Variants in COL4A5 observed in about 807,000 individuals in gnomAD.
COL4A5 encodes collagen type IV alpha 5 chain.
In COL4A5, 26 loss-of-function variants were observed where a neutral mutation model predicts 130.2. The ratio of observed to expected loss-of-function variants is 0.20; its 90% CI spans 0.15 to 0.28. The LOEUF is 0.28. Among genes scored for constraint, COL4A5 ranks in the 10% least tolerant of loss-of-function variants. The pLI is 1.00. For synonymous variants in COL4A5, 496 were observed against 439.6 expected (o/e 1.13, Z -1.60); for missense variants, 1,131 against 1,344.3 (o/e 0.84, Z 2.48).
chrX:108,525,642 T>C lies in COL4A5; in HGVS notation c.82-14104T>C, dbSNP rs1047301122. ...TTTAATATTGCAGTTTCTTTAATGA[T>C]TTTATTTAATGTATTTTTATTTGTT... On this transcript the variant is annotated intron_variant, in intron 1 of 52. Coordinates refer to ENST00000328300, the MANE Select transcript of COL4A5 (RefSeq NM_033380.3). Among the ~76,000 whole-genome samples, 3 of 111,859 alleles carry C rather than the reference T, an allele frequency of 2.7e-5. 1 individual carries two copies. In the Admixed American group the frequency reaches 2.9e-4, roughly 11 times the overall value.
At chrX:108,687,187 A>C (rs757468586) in intron 48 of COL4A5, among the ~76,000 whole-genome samples, 3 of 112,502 alleles carry the variant, frequency 2.7e-5, no homozygotes, top group African/African-American at 9.7e-5. Flanking sequence ...TGAAGCTGGC[A>C]GATTGATGGC....
chrX:108,627,046 T>C (rs1488471598), intron 36 of COL4A5: 2 of 688,159 alleles, frequency 2.9e-6, no homozygotes, highest in African/African-American at 4.8e-5. Context: ...TTGAATTGTA[T>C]GTAAGGATAA....
chrX:108,543,690 A>G (rs1253622597), intron 2 of COL4A5, among the ~76,000 whole-genome samples: 3 of 111,694 alleles, frequency 2.7e-5, no homozygotes, highest in Non-Finnish European at 5.6e-5. Flanking sequence ...TCTATAAATT[A>G]CCTTGGGCAG....
At chrX:108,507,580 G>A (rs953161093) in intron 1 of COL4A5, among the ~76,000 whole-genome samples, 3 of 111,841 alleles carry the variant, frequency 2.7e-5, no homozygotes, top group Non-Finnish European at 3.8e-5. Flanking sequence ...AGGCAGAGGT[G>A]GGTGGATCAC....
intron 33 of COL4A5, among the ~76,000 whole-genome samples, chrX:108,623,445 A>G (rs1300466495): frequency 9.5e-6 from 1 of 105,528 alleles, no homozygotes; most frequent in Non-Finnish European, 1.9e-5. Context: ...TCAATAAAAA[A>G]AAAACCTTTT....
At chrX:108,630,234 C>G (rs2067228920) in intron 36 of COL4A5, among the ~76,000 whole-genome samples, 1 of 112,082 alleles carries the variant, frequency 8.9e-6, no homozygotes, top group African/African-American at 3.2e-5. Context: ...AATCACCACA[C>G]TGTCTTCCAC....
chrX:108,613,870 C>T (rs755311129), intron 29 of COL4A5, among the ~76,000 whole-genome samples: 2 of 111,930 alleles, frequency 1.8e-5, no homozygotes, highest in East Asian at 5.6e-4. Context: ...CTTTGAAAAA[C>T]AGTTTGACAA....
chrX:108,451,086 C>T (rs1467765615), intron 1 of COL4A5, among the ~76,000 whole-genome samples: 6 of 106,403 alleles, frequency 5.6e-5, no homozygotes, highest in African/African-American at 2.1e-4. Context: ...TGAGTGAGAA[C>T]ATGCGGTGTT....
chrX:108,541,824 C>T (rs182863277), intron 2 of COL4A5, among the ~76,000 whole-genome samples: 3 of 112,168 alleles, frequency 2.7e-5, no homozygotes, highest in African/African-American at 9.7e-5. Flanking sequence ...GTTAACTATA[C>T]TATTTCTTAA....
chrX:108,487,795 C>T (rs1442332904), intron 1 of COL4A5, among the ~76,000 whole-genome samples: 1 of 112,149 alleles, frequency 8.9e-6, no homozygotes, highest in African/African-American at 3.2e-5. Flanking sequence ...GCTCTTATAG[C>T]TAATCAAGAA....
intron 1 of COL4A5, among the ~76,000 whole-genome samples, chrX:108,457,004 A>T (rs1243140263): frequency 1.8e-5 from 2 of 111,317 alleles, no homozygotes; most frequent in African/African-American, 6.5e-5. Flanking sequence ...GTGTTTTCTC[A>T]CTGACAAGGG....
intron 1 of COL4A5, among the ~76,000 whole-genome samples, chrX:108,480,873 TAATCTCTGC>T (rs2064882170): frequency 8.9e-6 from 1 of 112,460 alleles, no homozygotes; most frequent in African/African-American, 3.2e-5. Context: ...ATCTTGGCAC[TAATCTCTGC>T]AATCTCTCCA....
In COL4A5 at chrX:108,473,633, A is replaced by ATATTTTTTTTTTT; in HGVS notation, c.81+33428_81+33429insATTTTTTTTTTTT. Among the ~76,000 whole-genome samples, 44 of 34,560 alleles carry ATATTTTTTTTTTT rather than the reference A, an allele frequency of 1.3e-3. 2 individuals carry two copies. The highest frequency in any genetic ancestry group is 4.2e-3 in the African/African-American group (39 of 9,273). The allele number at this position is 34,560 out of a possible 115,157, so 30.0% of individuals were successfully genotyped here. A position where few individuals can be genotyped will look rare whatever the true frequency, so the allele number is the denominator to read the frequency against. On this transcript the variant is annotated intron_variant, in intron 1 of 52. Coordinates refer to ENST00000328300, the MANE Select transcript of COL4A5 (RefSeq NM_033380.3). ...TATATGTATATATATATATATATAT[A>ATATTTTTTTTTTT]TTTTTTTTTTTTTGAGATGAAGTCT... is the stretch of plus-strand genomic sequence containing the variant.
intron 36 of COL4A5, among the ~76,000 whole-genome samples, chrX:108,633,042 C>G (rs761501402): frequency 9.0e-6 from 1 of 111,517 alleles, no homozygotes; most frequent in Non-Finnish European, 1.9e-5. Flanking sequence ...GTCAAATTGT[C>G]CCTGTTTGCA....
intron 36 of COL4A5, among the ~76,000 whole-genome samples, chrX:108,647,034 T>C (rs187298234): frequency 1.1e-3 from 127 of 111,467 alleles, no homozygotes; most frequent in African/African-American, 3.7e-3. Context: ...ATCTTTGTTC[T>C]TTTGGCTTAG....
intron 2 of COL4A5, among the ~76,000 whole-genome samples, chrX:108,540,455 G>GT (rs1451428553): frequency 9.1e-6 from 1 of 109,576 alleles, no homozygotes; most frequent in East Asian, 2.9e-4. Flanking sequence ...CTTTTTTTTT[G>GT]TTTTTTCGTT....
At chrX:108,508,739 T>A (rs1357153893) in intron 1 of COL4A5, among the ~76,000 whole-genome samples, 1 of 110,365 alleles carries the variant, frequency 9.1e-6, no homozygotes, top group Non-Finnish European at 1.9e-5. Flanking sequence ...TGGAACATAA[T>A]AGCCCATAAA....
intron 1 of COL4A5, among the ~76,000 whole-genome samples, chrX:108,487,293 G>C (rs2064953596): frequency 9.2e-6 from 1 of 109,032 alleles, no homozygotes; most frequent in African/African-American, 3.4e-5. Flanking sequence ...AGGAGGCTGA[G>C]GCAAGAGAAT....
chrX:108,440,877 G>GT (rs964682553), intron 1 of COL4A5, among the ~76,000 whole-genome samples: 4 of 111,439 alleles, frequency 3.6e-5, no homozygotes, highest in African/African-American at 9.8e-5. Flanking sequence ...TAAATTATGG[G>GT]TTTTTTTGTT....
Sources: gnomAD v4.1 joint callset for allele counts (sites outside exome capture counted in the v4.1 genomes callset) on GRCh38, gnomAD v4.1.1 for gene constraint, MANE v1.5 for transcripts, NCBI Gene and HGNC (gene_info 2026-07-23, HGNC 2026-07-21) for gene names.